Variants in SPTLC2 observed in about 807,000 individuals in gnomAD.
SPTLC2 encodes the protein serine palmitoyltransferase long chain base subunit 2.
In SPTLC2, 21 loss-of-function variants were observed where a neutral mutation model predicts 62.0. The ratio of observed to expected loss-of-function variants is 0.34; its 90% CI spans 0.24 to 0.49. The LOEUF is 0.49. Among genes scored for constraint, SPTLC2 ranks in the 20% least tolerant of loss-of-function variants. The pLI is 0.99. For missense variants in SPTLC2, 511 were observed against 713.0 expected, an observed-to-expected ratio of 0.72 and a Z score of 3.23; for synonymous variants, 261 against 261.8, an observed-to-expected ratio of 1.00 and a Z score of 0.03.
chr14:77,610,079 C>A (rs769258419), intron 1 of SPTLC2, among the ~76,000 whole-genome samples: 1 of 152,190 alleles, frequency 6.6e-6, no homozygotes, highest in Admixed American at 6.5e-5. Flanking sequence ...CTCATGAACA[C>A]TTAATACCTG....
rs1280313196 is a variant in SPTLC2 at position 77,539,630 on chromosome 14, C to T, written c.1303+12466G>A. On this transcript the variant is annotated intron_variant, in intron 9 of 11. Transcript: ENST00000216484. ...ACAGCCTCTCAAGTAGCTGGGATTACAGGTGCCTGCCACCAAGTCTGGCTA... is the reference window on the plus strand; with the variant it reads ...ACAGCCTCTCAAGTAGCTGGGATTATAGGTGCCTGCCACCAAGTCTGGCTA... 2.0e-5 allele frequency among the ~76,000 whole-genome samples: 3 copies of T among 151,112 alleles called. No individual in the cohort carries two copies. The East Asian group carries it at 5.9e-4, about 30-fold the overall frequency.
intron 6 of SPTLC2, among the ~76,000 whole-genome samples, chr14:77,559,502 T>C (rs1417811341): frequency 1.3e-5 from 2 of 152,128 alleles, no homozygotes; most frequent in Non-Finnish European, 2.9e-5. Flanking sequence ...GAGGGTATTG[T>C]GTAAAATCCG....
intron 6 of SPTLC2, among the ~76,000 whole-genome samples, chr14:77,559,790 C>A (rs1453020541): frequency 6.6e-6 from 1 of 152,100 alleles, no homozygotes; most frequent in Non-Finnish European, 1.5e-5. Context: ...ACTCAGGAGA[C>A]TGAGGCAGGA....
chr14:77,529,626 T>C (rs1388555289), intron 9 of SPTLC2, among the ~76,000 whole-genome samples: 10 of 125,658 alleles, frequency 8.0e-5, no homozygotes, highest in East Asian at 5.1e-4. Flanking sequence ...CTTTCTTTTT[T>C]TTTTTTTTTT....
intron 5 of SPTLC2, among the ~76,000 whole-genome samples, chr14:77,564,236 G>GAAAAA (rs3080470): frequency 9.0e-6 from 1 of 110,658 alleles, no homozygotes; most frequent in Non-Finnish European, 1.8e-5. Flanking sequence ...TGTCTGGGGG[G>GAAAAA]AAAAAAAAAA....
rs1457939282 is a variant in SPTLC2 at position 77,557,205 on chromosome 14, G to A, written c.851-59C>T. On this transcript the variant is annotated intron_variant, in intron 6 of 11. Coordinates refer to ENST00000216484, the MANE Select transcript of SPTLC2 (RefSeq NM_004863.4). ...TCTTCCTCTTTCCTAACTTTATTCCGGAAATGCAGAGATATATTTCTCATT... is the reference window on the plus strand; with the variant it reads ...TCTTCCTCTTTCCTAACTTTATTCCAGAAATGCAGAGATATATTTCTCATT... 5.6e-5 allele frequency: 78 copies of A among 1,382,456 alleles called. 1 individual carries two copies. In the Admixed American group the frequency reaches 5.8e-4, roughly 10 times the overall value. 85.6% of individuals were successfully genotyped at this position (1,382,456 alleles called of 1,614,324 possible). A position where few individuals can be genotyped will look rare whatever the true frequency, so the allele number is the denominator to read the frequency against.
intron 9 of SPTLC2, among the ~76,000 whole-genome samples, chr14:77,522,217 G>C (rs570028106): frequency 6.6e-6 from 1 of 151,726 alleles, no homozygotes; most frequent in East Asian, 1.9e-4. Context: ...AGGCTGGAGT[G>C]CAACGGCACG....
intron 5 of SPTLC2, among the ~76,000 whole-genome samples, chr14:77,563,926 T>C (rs2079628454): frequency 1.3e-5 from 2 of 151,356 alleles, no homozygotes. Context: ...TTTATTAAGA[T>C]AAAAAAGCTA....
chr14:77,611,740 C>T (rs1472082094), intron 1 of SPTLC2, among the ~76,000 whole-genome samples: 6 of 151,618 alleles, frequency 4.0e-5, no homozygotes, highest in Admixed American at 2.0e-4. Flanking sequence ...GCTGGAGAAT[C>T]GCTTGAACCC....
At chr14:77,538,808 T>TA (rs201123384) in intron 9 of SPTLC2, among the ~76,000 whole-genome samples, 5,124 of 152,160 alleles carry the variant, frequency 0.034, 137 homozygotes, top group Middle Eastern at 0.061. Flanking sequence ...TGACCTCAGG[T>TA]GATCCACCTG....
At chr14:77,549,072 C>T (rs1228171102) in intron 9 of SPTLC2, among the ~76,000 whole-genome samples, 1 of 152,090 alleles carries the variant, frequency 6.6e-6, no homozygotes, top group East Asian at 1.9e-4. Context: ...TCCCCAATGA[C>T]GGAGGTAGGG....
rs1234173222 is a variant in SPTLC2, at chr14:77,509,850, A to G, written c.*2434T>C. The G allele has an allele frequency of 2.5e-6, 1 of 398,312 alleles. No individual in the cohort carries two copies. Among genetic ancestry groups the G allele is most frequent in the Non-Finnish European group, 4.4e-6 (1 of 225,960 alleles). The allele number at this position is 398,312 out of a possible 1,614,324, so 24.7% of individuals were successfully genotyped here. On this transcript the variant is annotated 3_prime_UTR_variant, in exon 12 of 12. Transcript: ENST00000216484. ...TTCAAAATAAACTTGTAACAAAATTACACTTATCTTGAAATAACTTTGTAC... is the reference window on the plus strand; with the variant it reads ...TTCAAAATAAACTTGTAACAAAATTGCACTTATCTTGAAATAACTTTGTAC...
At chr14:77,607,561 TTTAA>T (rs1267371407) in intron 1 of SPTLC2, among the ~76,000 whole-genome samples, 1 of 152,254 alleles carries the variant, frequency 6.6e-6, no homozygotes, top group Non-Finnish European at 1.5e-5. Flanking sequence ...CAAATTTTCC[TTTAA>T]TTATTTCAGA....
At chr14:77,610,614 G>A (rs935182412) in intron 1 of SPTLC2, among the ~76,000 whole-genome samples, 1 of 152,028 alleles carries the variant, frequency 6.6e-6, no homozygotes, top group African/African-American at 2.4e-5. Context: ...GAGTAAGACT[G>A]GATCACACCC....
At chr14:77,615,727 T>C (rs555091021) in intron 1 of SPTLC2, among the ~76,000 whole-genome samples, 3 of 152,226 alleles carry the variant, frequency 2.0e-5, no homozygotes, top group South Asian at 2.1e-4. Context: ...TTAATTAGTA[T>C]AGAGTCATCG....
intron 6 of SPTLC2, among the ~76,000 whole-genome samples, chr14:77,561,027 G>A (rs1207119636): frequency 2.7e-5 from 4 of 149,436 alleles, no homozygotes; most frequent in East Asian, 2.0e-4. Context: ...AAATAAAAGT[G>A]AAAAAAAAAA....
chr14:77,536,005 C>T (rs1432343443), intron 9 of SPTLC2: 2 of 448,424 alleles, frequency 4.5e-6, no homozygotes, highest in South Asian at 3.2e-5. Context: ...GATGCCATTA[C>T]CTGAGATAGG....
chr14:77,597,215 G>A lies in SPTLC2; in HGVS notation c.298C>T (p.His100Tyr). Residue 100 changes from histidine (H) to tyrosine (Y), a missense_variant, in exon 2 of 12, where the codon CAC becomes TAC. By Grantham distance (83) the His-to-Tyr change is moderately conservative. Transcript: ENST00000216484. ...FLRYWRIEKC[H>Y]HATEREEQKD... ...TGTTCTTCTCTTTCTGTTGCATGGT[G>A]ACACTTTTCAATTCTCCAATACCTC... 6.2e-7 allele frequency: 1 copy of A among 1,614,120 alleles called. No individual in the cohort carries two copies. Among genetic ancestry groups the A allele is most frequent in the Non-Finnish European group, 8.5e-7 (1 of 1,180,018 alleles).
chr14:77,564,061 G>T (rs1403581675), intron 5 of SPTLC2, among the ~76,000 whole-genome samples: 1 of 151,764 alleles, frequency 6.6e-6, no homozygotes, highest in Non-Finnish European at 1.5e-5. Context: ...AGACCAGCCT[G>T]GCCAACATGG....
Sources: gnomAD v4.1 joint callset for allele counts (sites outside exome capture counted in the v4.1 genomes callset) on GRCh38, gnomAD v4.1.1 for gene constraint, MANE v1.5 for transcripts, NCBI Gene and HGNC (gene_info 2026-07-23, HGNC 2026-07-21) for gene names.